CC2D2A: variants seen among roughly 807,000 people sequenced by gnomAD.
The protein encoded by CC2D2A is coiled-coil and C2 domain-containing protein 2A.
In CC2D2A, 155 loss-of-function variants were observed where a neutral mutation model predicts 212.9. The ratio of observed to expected loss-of-function variants is 0.73; its 90% CI spans 0.64 to 0.83. The LOEUF (loss-of-function observed/expected upper bound fraction) is 0.83. Ranked by LOEUF, CC2D2A falls within the 40% of genes least tolerant of loss-of-function variation. CC2D2A has a pLI of 0.00. For synonymous variants in CC2D2A, 667 were observed against 686.5 expected, an observed-to-expected ratio of 0.97 and a Z score of 0.44; for missense variants, 1,856 against 1,956.2, an observed-to-expected ratio of 0.95 and a Z score of 0.97.
At chr4:15,527,770 C>A in intron 12 of CC2D2A, 114 bp downstream of exon 12, 2 of 770,414 alleles carry the variant, frequency 2.6e-6, no homozygotes, top group South Asian at 1.8e-5. Flanking sequence ...CATGTTTCCT[C>A]GGTTTAGGAT....
At chr4:15,493,923 G>A (rs1715459163) in intron 4 of CC2D2A, among the ~76,000 whole-genome samples, 1 of 152,176 alleles carries the variant, frequency 6.6e-6, no homozygotes, top group South Asian at 2.1e-4. Flanking sequence ...AAGAATTCAA[G>A]TTGAGAAACT....
At chr4:15,593,201 G>T (rs990803472) in intron 33 of CC2D2A, among the ~76,000 whole-genome samples, 1 of 152,072 alleles carries the variant, frequency 6.6e-6, no homozygotes, top group Admixed American at 6.5e-5. Context: ...TTCCACCTTG[G>T]ATCTCAAAGC....
At chr4:15,599,945 C>T (rs908421938) in intron 36 of CC2D2A, among the ~76,000 whole-genome samples, 1 of 151,966 alleles carries the variant, frequency 6.6e-6, no homozygotes, top group Non-Finnish European at 1.5e-5. Flanking sequence ...AATACATTTA[C>T]GTATCAAAAA....
rs1412109131 is a variant in CC2D2A, at chr4:15,557,199, G to A, written c.2626-105G>A. ...TATTTTAAAGTATTTTGTCTTTCAAGTCTTTTAATCTAAAACTGTTAAATG... is the reference window on the plus strand; with the variant it reads ...TATTTTAAAGTATTTTGTCTTTCAAATCTTTTAATCTAAAACTGTTAAATG... On this transcript the variant is annotated intron_variant, in intron 20 of 36. Transcript: ENST00000424120. 14 of 636,430 alleles carry A rather than the reference G, an allele frequency of 2.2e-5. No individual in the cohort carries two copies. The East Asian group carries it at 3.3e-4, about 15-fold the overall frequency. The allele number at this position is 636,430 out of a possible 1,614,324, so 39.4% of individuals were successfully genotyped here.
intron 16 of CC2D2A, 70 bp from the exon 17 acceptor site, chr4:15,540,767 A>G (rs1718384413): frequency 1.4e-6 from 2 of 1,403,606 alleles, no homozygotes; most frequent in African/African-American, 2.9e-5. Context: ...TTCAGTTCTT[A>G]TTTATCATAT....
intron 33 of CC2D2A, among the ~76,000 whole-genome samples, chr4:15,593,468 T>A (rs1232902975): frequency 6.6e-6 from 1 of 152,194 alleles, no homozygotes. Flanking sequence ...ATACCACATA[T>A]ATGCCGATGA....
At chr4:15,578,804 GT>G (rs1224659678) in intron 29 of CC2D2A, among the ~76,000 whole-genome samples, 6 of 105,594 alleles carry the variant, frequency 5.7e-5, no homozygotes, top group African/African-American at 1.9e-4. Flanking sequence ...TTGTTTGTTT[GT>G]TTGTTTGTTT....
intron 11 of CC2D2A, among the ~76,000 whole-genome samples, chr4:15,525,734 A>G (rs1175211463): frequency 6.6e-6 from 1 of 152,220 alleles, no homozygotes; most frequent in Non-Finnish European, 1.5e-5. Flanking sequence ...CTCGATATAT[A>G]AGAAAGGGAA....
At chr4:15,528,516 C>T in intron 12 of CC2D2A, 104 bp from the exon 13 acceptor site, 2 of 803,542 alleles carry the variant, frequency 2.5e-6, no homozygotes, top group Middle Eastern at 4.5e-4. Flanking sequence ...GTTCCATTCA[C>T]AGACTGATGG....
At chr4:15,568,974 G>T (rs1312099394) in intron 26 of CC2D2A, among the ~76,000 whole-genome samples, 1 of 152,132 alleles carries the variant, frequency 6.6e-6, no homozygotes, top group African/African-American at 2.4e-5. Flanking sequence ...AAACCTTGTA[G>T]CCTGTCCACT....
intron 3 of CC2D2A, chr4:15,479,417 G>A (rs1714473486): frequency 9.4e-7 from 1 of 1,067,302 alleles, no homozygotes; most frequent in Admixed American, 2.0e-5. Flanking sequence ...CAATCAAGAT[G>A]CCAGCAGGGG....
At chr4:15,506,336 C>T (rs1716254040) in intron 6 of CC2D2A, among the ~76,000 whole-genome samples, 1 of 152,136 alleles carries the variant, frequency 6.6e-6, no homozygotes, top group Non-Finnish European at 1.5e-5. Flanking sequence ...ACCATCAATA[C>T]TGCAATAAAT....
chr4:15,586,255 T>C lies in CC2D2A; in HGVS notation c.4065+9T>C, dbSNP rs748709735. 2.9e-5 allele frequency: 44 copies of C among 1,527,284 alleles called. No homozygotes were observed. The highest frequency in any genetic ancestry group is 3.8e-5 in the Non-Finnish European group (43 of 1,128,872). The allele number at this position is 1,527,284 out of a possible 1,614,324, so 94.6% of individuals were successfully genotyped here. ...TCTGGAGCACATCTGATGTAAGTAGTTCTTCTTCACAGATTTAGAAACTTG... is the reference window on the plus strand; with the variant it reads ...TCTGGAGCACATCTGATGTAAGTAGCTCTTCTTCACAGATTTAGAAACTTG... On this transcript the variant is annotated intron_variant, in intron 31 of 36. Coordinates refer to ENST00000424120, the MANE Select transcript of CC2D2A (RefSeq NM_001378615.1).
At position 15,480,705 on chromosome 4, in the gene CC2D2A, C is replaced by A. The variant is rs1288553295; in HGVS notation, c.125C>A (p.Pro42Gln). Residue 42 changes from proline to glutamine, a missense_variant and splice_region_variant, in exon 4 of 37, where the codon CCA becomes CAA. Pro to Gln is a moderately conservative substitution (Grantham distance 76). Around this residue, in one of 5 missense-constraint regions of CC2D2A, gnomAD observed 1,512 missense variants for 1,579.3 expected, o/e 0.96. Transcript: ENST00000424120. ...KVRRQPRKKQ[P>Q]PTAVPKEMVS... ...GAACCTCTGACCTTCTTCCTCCAGC[C>A]ACCAACTGCTGTCCCCAAGGAAATG... is the stretch of plus-strand genomic sequence containing the variant. The A allele has an allele frequency of 1.2e-6, 2 of 1,609,298 alleles. No homozygotes were observed. The highest frequency in any genetic ancestry group is 1.7e-6 in the Non-Finnish European group (2 of 1,178,088).
chr4:15,481,113 T>G lies in CC2D2A; in HGVS notation c.247+286T>G, dbSNP rs141540110. 1.8e-3 allele frequency: 852 copies of G among 468,738 alleles called. 6 individuals carry two copies. The highest frequency in any genetic ancestry group is 0.015 in the African/African-American group (769 of 50,698). The allele number at this position is 468,738 out of a possible 1,614,324, so 29.0% of individuals were successfully genotyped here. On this transcript the variant is annotated intron_variant, in intron 4 of 36. Transcript: ENST00000424120. ...GTTAGAGGTGGAGCCTAGTGGGAGGTGTCTGGGTCATGAGGGCACAACTCA... is the reference window on the plus strand; with the variant it reads ...GTTAGAGGTGGAGCCTAGTGGGAGGGGTCTGGGTCATGAGGGCACAACTCA...
At position 15,580,009 on chromosome 4, in the gene CC2D2A, G is replaced by A. The variant is rs1175191266; in HGVS notation, c.3813G>A (p.Glu1271=). 2.5e-6 allele frequency: 4 copies of A among 1,613,858 alleles called. No homozygotes were observed. In the South Asian group the frequency reaches 4.4e-5, roughly 18 times the overall value. ...ATGAGAAATTACTTCAAGCAACTGA[G>A]AAGTTTCAAGCTGAATGTGCCTTAA... is the stretch of plus-strand genomic sequence containing the variant. ...QEDEKLLQAT[E]KFQAECALKF... The change falls in exon 30 of 37, where the codon GAG becomes GAA. Residue 1271 remains glutamate, a synonymous_variant. Transcript: ENST00000424120.
intron 19 of CC2D2A, 58 bp downstream of exon 19, chr4:15,553,363 C>CA (rs1271526987): frequency 6.4e-7 from 1 of 1,553,520 alleles, no homozygotes; most frequent in African/African-American, 1.4e-5. Context: ...TAAAGATACC[C>CA]AAGGGGAAAG....
chr4:15,557,252 T>C (rs1465364761), intron 20 of CC2D2A, 52 bp from the exon 21 acceptor site: 1 of 1,315,218 alleles, frequency 7.6e-7, no homozygotes. Flanking sequence ...CCAAGTTTCT[T>C]TGGATGAGAT....
chr4:15,471,421 A>G (rs753613488), intron 1 of CC2D2A, among the ~76,000 whole-genome samples: 2 of 152,032 alleles, frequency 1.3e-5, no homozygotes, highest in African/African-American at 2.4e-5. Flanking sequence ...GGTCTTTCTC[A>G]TGACTCCTCT....
Sources: allele counts gnomAD v4.1 joint callset (sites outside exome capture counted in the v4.1 genomes callset), GRCh38; gene constraint gnomAD v4.1.1; regional missense constraint gnomAD v4.1.1; transcripts MANE v1.5; gene names NCBI Gene and HGNC (gene_info 2026-07-23, HGNC 2026-07-21).